The following SKP1 variants were observed in gnomAD, a reference collection of about 807,000 sequenced individuals.
The protein encoded by SKP1 is S-phase kinase associated protein 1.
In SKP1, 1 loss-of-function variant was observed where a neutral mutation model predicts 21.5. The ratio of observed to expected loss-of-function variants is 0.05; its 90% CI spans 0.02 to 0.22. The LOEUF (loss-of-function observed/expected upper bound fraction) is 0.22. SKP1 is among the 10% of genes least tolerant of loss of function. The probability of loss-of-function intolerance (pLI) is 1.00; values close to 1 mark genes in which losing one functional copy is unlikely to be tolerated. For missense variants in SKP1, 70 were observed against 192.0 expected, an observed-to-expected ratio of 0.36 and a Z score of 3.76; for synonymous variants, 59 against 59.3, an observed-to-expected ratio of 0.99 and a Z score of 0.03.
In SKP1 at chr5:134,155,203, T is replaced by C. The variant is rs148720264; in HGVS notation, c.*2530A>G. 16 of 152,208 alleles carry C rather than the reference T, an allele frequency of 1.1e-4. No homozygotes were observed. Among genetic ancestry groups the C allele is most frequent in the African/African-American group, 3.4e-4 (14 of 41,520 alleles). 9.4% of individuals were successfully genotyped at this position (152,208 alleles called of 1,614,324 possible). The stretch of plus-strand genomic sequence containing the variant: ...CCACAATATTAGTTTAGAAGAATAG[T>C]TGGGAAGTAAGAGAGTAGCCAGAAA... On this transcript the variant is annotated 3_prime_UTR_variant, in exon 6 of 6. Coordinates refer to ENST00000353411, the MANE Select transcript of SKP1 (RefSeq NM_170679.3).
At chr5:134,168,330 G>C (rs1425662360) in intron 2 of SKP1, among the ~76,000 whole-genome samples, 1 of 152,074 alleles carries the variant, frequency 6.6e-6, no homozygotes, top group Non-Finnish European at 1.5e-5. Flanking sequence ...CTGAAACCTA[G>C]AGATGTGTAT....
At chr5:134,161,959 T>C (rs1044938580) in intron 3 of SKP1, 1 of 152,220 alleles carries the variant, frequency 6.6e-6, no homozygotes, top group African/African-American at 2.4e-5. Context: ...TGTAATTCTT[T>C]CCATTTTTCT....
At position 134,157,462 on chromosome 5, in the gene SKP1, A is replaced by G. The variant is rs1200169103; in HGVS notation, c.*271T>C. 7.0e-5 allele frequency: 23 copies of G among 329,274 alleles called. No individual in the cohort carries two copies. Among genetic ancestry groups the G allele is most frequent in the Non-Finnish European group, 1.3e-4 (23 of 180,038 alleles). The allele number at this position is 329,274 out of a possible 1,614,324, so 20.4% of individuals were successfully genotyped here. A position where few individuals can be genotyped will look rare whatever the true frequency, so the allele number is the denominator to read the frequency against. ...AGACATTGCTTTACAAAAAAGAGGG[A>G]AAGCCCAAAATGCCACTTATAGAGA... On this transcript the variant is annotated 3_prime_UTR_variant, in exon 6 of 6. Coordinates refer to ENST00000353411, the MANE Select transcript of SKP1 (RefSeq NM_170679.3).
intron 4 of SKP1, among the ~76,000 whole-genome samples, chr5:134,159,666 G>A (rs1761183795): frequency 6.6e-6 from 1 of 152,034 alleles, no homozygotes; most frequent in Non-Finnish European, 1.5e-5. Flanking sequence ...TCCTGCCTCG[G>A]CCTCCCGAGT....
chr5:134,176,580 G>C (rs1046264365), intron 1 of SKP1: 8 of 152,394 alleles, frequency 5.2e-5, no homozygotes, highest in Non-Finnish European at 1.0e-4. Context: ...CGCTCGGCCG[G>C]TGCAGAGAAG....
chr5:134,161,305 G>A (rs957481259), intron 3 of SKP1, 175 bp from the exon 4 acceptor site: 5 of 530,240 alleles, frequency 9.4e-6, no homozygotes, highest in Non-Finnish European at 1.7e-5. Context: ...AACCCTAGAA[G>A]GGAGAAGATC....
intron 2 of SKP1, among the ~76,000 whole-genome samples, chr5:134,169,193 T>C (rs1355145761): frequency 6.6e-6 from 1 of 152,154 alleles, no homozygotes; most frequent in Non-Finnish European, 1.5e-5. Flanking sequence ...CTTGATGACA[T>C]GGGGTTCACT....
chr5:134,171,085 AG>A, intron 2 of SKP1: 3 of 453,738 alleles, frequency 6.6e-6, no homozygotes, highest in Non-Finnish European at 8.8e-6. Flanking sequence ...AGTTATCTTA[AG>A]TTACCAGAAT....
rs1011140143 is a variant in SKP1, at chr5:134,152,304, T to A, written c.*5429A>T. 27 of 152,282 alleles carry A rather than the reference T, an allele frequency of 1.8e-4. No individual in the cohort carries two copies. The highest frequency in any genetic ancestry group is 6.5e-4 in the African/African-American group (27 of 41,442). The allele number at this position is 152,282 out of a possible 1,614,324, so 9.4% of individuals were successfully genotyped here. On this transcript the variant is annotated 3_prime_UTR_variant, in exon 6 of 6. Transcript: ENST00000353411. ...ATACTACTGAGTGTCAGCAAAGTAC[T>A]GTGACTAATCCTGCCCTAATTTCTC...
In SKP1 at chr5:134,151,619, G is replaced by A. The variant is rs1481667531; in HGVS notation, c.*6114C>T. Reference sequence around the variant, plus strand: ...GCAGGTTGAAAATTTGAAGTTAAGAGATATCAGAAGGTCTGAATATACTTA... The same window carrying A: ...GCAGGTTGAAAATTTGAAGTTAAGAAATATCAGAAGGTCTGAATATACTTA... On this transcript the variant is annotated 3_prime_UTR_variant, in exon 6 of 6. Coordinates refer to ENST00000353411, the MANE Select transcript of SKP1 (RefSeq NM_170679.3). The A allele has an allele frequency of 2.6e-5, 12 of 454,242 alleles. No homozygotes were observed. In the Admixed American group the frequency reaches 2.8e-4, roughly 11 times the overall value. 28.1% of individuals were successfully genotyped at this position (454,242 alleles called of 1,614,324 possible).
chr5:134,176,590 G>A (rs1212627776), intron 1 of SKP1: 1 of 152,350 alleles, frequency 6.6e-6, no homozygotes, highest in African/African-American at 2.4e-5. Context: ...GTGCAGAGAA[G>A]GCCCAGCCCG....
At chr5:134,170,000 CAA>C (rs1312695127) in intron 2 of SKP1, among the ~76,000 whole-genome samples, 15 of 76,894 alleles carry the variant, frequency 2.0e-4, no homozygotes, top group Admixed American at 3.0e-4. Context: ...GACTCCATCT[CAA>C]AAAAAAAAAA....
chr5:134,173,270 T>A (rs1761480688), intron 2 of SKP1: 1 of 156,848 alleles, frequency 6.4e-6, no homozygotes, highest in Non-Finnish European at 1.4e-5. Context: ...AGACGGAGGT[T>A]ACAGTGAGCC....
At chr5:134,158,003 A>T in intron 5 of SKP1, 1 of 1,500,810 alleles carries the variant, frequency 6.7e-7, no homozygotes, top group Non-Finnish European at 8.9e-7. Flanking sequence ...AATTTACTAA[A>T]GTTGACAGAG....
At chr5:134,165,749 G>A (rs906930516) in intron 3 of SKP1, among the ~76,000 whole-genome samples, 3 of 152,042 alleles carry the variant, frequency 2.0e-5, no homozygotes, top group Non-Finnish European at 4.4e-5. Flanking sequence ...AGCCAGGCGT[G>A]GTGGCGAGTG....
At chr5:134,167,898 G>A (rs1761363933) in intron 2 of SKP1, among the ~76,000 whole-genome samples, 2 of 152,186 alleles carry the variant, frequency 1.3e-5, no homozygotes, top group African/African-American at 4.8e-5. Context: ...TTATTATAAG[G>A]GACTTGAGTA....
At position 134,157,432 on chromosome 5, in the gene SKP1, T is replaced by G. The variant is rs1422757513; in HGVS notation, c.*301A>C. On this transcript the variant is annotated 3_prime_UTR_variant, in exon 6 of 6. Transcript: ENST00000353411. The stretch of plus-strand genomic sequence containing the variant: ...CACTAAAGTTAACTGGACAATAAAC[T>G]AGGCAGACATTGCTTTACAAAAAAG... The G allele has an allele frequency of 3.8e-6, 1 of 263,726 alleles. No homozygotes were observed. The highest frequency in any genetic ancestry group is 2.2e-5 in the African/African-American group (1 of 44,820). 16.3% of individuals were successfully genotyped at this position (263,726 alleles called of 1,614,324 possible).
At position 134,154,782 on chromosome 5, in the gene SKP1, C is replaced by G. The variant is rs1761097561; in HGVS notation, c.*2951G>C. 6.6e-6 allele frequency: 1 copy of G among 152,140 alleles called. No homozygotes were observed. Among genetic ancestry groups the G allele is most frequent in the African/African-American group, 2.4e-5 (1 of 41,436 alleles). The allele number at this position is 152,140 out of a possible 1,614,324, so 9.4% of individuals were successfully genotyped here. A position where few individuals can be genotyped will look rare whatever the true frequency, so the allele number is the denominator to read the frequency against. ...ATAAAAGGCATTTCCTAATTAATCCCTAAGTTTACTTTATCAACAAGGGTT... is the reference window on the plus strand; with the variant it reads ...ATAAAAGGCATTTCCTAATTAATCCGTAAGTTTACTTTATCAACAAGGGTT... On this transcript the variant is annotated 3_prime_UTR_variant, in exon 6 of 6. Transcript: ENST00000353411.
chr5:134,163,965 T>A (rs1162905052), intron 3 of SKP1, among the ~76,000 whole-genome samples: 1 of 152,142 alleles, frequency 6.6e-6, no homozygotes, highest in African/African-American at 2.4e-5. Flanking sequence ...TGTCTTAAGG[T>A]CACTGTACTT....
Sources: gnomAD v4.1 joint callset for allele counts (sites outside exome capture counted in the v4.1 genomes callset) on GRCh38, gnomAD v4.1.1 for gene constraint, MANE v1.5 for transcripts, NCBI Gene and HGNC (gene_info 2026-07-23, HGNC 2026-07-21) for gene names.